The following ATP2B2 variants were observed in gnomAD, a reference collection of about 807,000 sequenced individuals.
ATP2B2 encodes the protein ATPase plasma membrane Ca2+ transporting 2, also known as plasma membrane calcium-transporting ATPase 2.
A neutral mutation model predicts 120.0 loss-of-function variants in ATP2B2; 15 were observed. The observed-to-expected ratio is 0.12, with a 90% confidence interval of 0.08 to 0.19. The LOEUF (loss-of-function observed/expected upper bound fraction) is 0.19, where lower values mean the gene tolerates loss of function less well. Ranked by LOEUF, ATP2B2 falls within the 10% of genes least tolerant of loss-of-function variation. ATP2B2 has a pLI of 1.00. For synonymous variants in ATP2B2, 694 were observed against 700.3 expected (o/e 0.99, Z 0.14); for missense variants, 1,045 against 1,719.8 (o/e 0.61, Z 6.94).
chr3:10,517,392 T>C (rs1450024408), intron 3 of ATP2B2, among the ~76,000 whole-genome samples: 1 of 152,164 alleles, frequency 6.6e-6, no homozygotes, highest in African/African-American at 2.4e-5. Context: ...AGGGATGCAG[T>C]GTGGGCCATG....
rs191901339 is a variant in ATP2B2 at position 10,689,388 on chromosome 3, G to A, written c.-460+18527C>T. On this transcript the variant is annotated intron_variant, in intron 1 of 21. Coordinates refer to the ATP2B2 transcript ENST00000646379. ...AGGCATCTATTTCACAGAATTGGCA[G>A]TAAAATTAAATAAAATAACACCTCC... is the stretch of plus-strand genomic sequence containing the variant. Among the ~76,000 whole-genome samples, 254 of 152,242 alleles carry A rather than the reference G, an allele frequency of 1.7e-3. 1 individual carries two copies. Among genetic ancestry groups the A allele is most frequent in the African/African-American group, 5.9e-3 (246 of 41,538 alleles).
intron 1 of ATP2B2, among the ~76,000 whole-genome samples, chr3:10,696,667 C>G (rs893332429): frequency 6.6e-6 from 1 of 152,220 alleles, no homozygotes; most frequent in Non-Finnish European, 1.5e-5. Flanking sequence ...CTTCTGATCC[C>G]TTTAGTCATT....
chr3:10,382,274 GAT>G (rs2061553503), intron 8 of ATP2B2, among the ~76,000 whole-genome samples: 1 of 138,964 alleles, frequency 7.2e-6, no homozygotes, highest in African/African-American at 2.8e-5. Flanking sequence ...GACCTCAAGT[GAT>G]TCTCCTGCTT....
intron 1 of ATP2B2, among the ~76,000 whole-genome samples, chr3:10,473,816 T>C (rs889381108): frequency 1.3e-5 from 2 of 152,106 alleles, no homozygotes; most frequent in Non-Finnish European, 2.9e-5. Flanking sequence ...GCCACGTGGC[T>C]GGGGCTTGTG....
chr3:10,522,473 T>C (rs991047595), intron 3 of ATP2B2, among the ~76,000 whole-genome samples: 1 of 152,236 alleles, frequency 6.6e-6, no homozygotes, highest in Non-Finnish European at 1.5e-5. Flanking sequence ...TACCTCCTGG[T>C]CATTCCACTG....
At chr3:10,654,976 C>T (rs993753518) in intron 1 of ATP2B2, among the ~76,000 whole-genome samples, 2 of 152,078 alleles carry the variant, frequency 1.3e-5, no homozygotes, top group African/African-American at 2.4e-5. Context: ...TCAGCGGGGG[C>T]CTCTCAGCCT....
At chr3:10,577,581 G>C (rs899016309) in intron 2 of ATP2B2, among the ~76,000 whole-genome samples, 1 of 152,210 alleles carries the variant, frequency 6.6e-6, no homozygotes, top group African/African-American at 2.4e-5. Flanking sequence ...CTCAGAACGG[G>C]TTGTTTTCCT....
At chr3:10,345,617 G>T in intron 17 of ATP2B2, 42 bp from the exon 18 acceptor site, 1 of 1,592,562 alleles carries the variant, frequency 6.3e-7, no homozygotes. Context: ...GTGGCCGGGG[G>T]AGGTGACCAC....
chr3:10,350,212 G>A lies in ATP2B2; in HGVS notation c.2317-13C>T, dbSNP rs1396375690. ...GCTCCTGCTCAATCTGGAGAGGGAT[G>A]GGGAAGGGGGCGGGTCGGTGGGGTC... On this transcript the variant is annotated splice_polypyrimidine_tract_variant and intron_variant, in intron 15 of 22. Transcript: ENST00000360273. 1.2e-6 allele frequency: 2 copies of A among 1,609,156 alleles called. No homozygotes were observed. The highest frequency in any genetic ancestry group is 2.2e-5 in the East Asian group (1 of 44,796).
intron 1 of ATP2B2, among the ~76,000 whole-genome samples, chr3:10,639,866 G>A (rs2070124154): frequency 6.6e-6 from 1 of 152,220 alleles, no homozygotes; most frequent in African/African-American, 2.4e-5. Context: ...CTCGAGCTAA[G>A]GCTGGAGGGC....
At position 10,406,773 on chromosome 3, in the gene ATP2B2, C is replaced by T. The variant is rs147537143; in HGVS notation, c.397+3845G>A. 2.5e-3 allele frequency among the ~76,000 whole-genome samples: 385 copies of T among 152,386 alleles called. 3 individuals carry two copies. The highest frequency in any genetic ancestry group is 8.9e-3 in the African/African-American group (372 of 41,588). ...ACTCATACACTCATTGCGTGTGTGACTCTAATTCCACCCATCAACATTGCC... is the reference window on the plus strand; with the variant it reads ...ACTCATACACTCATTGCGTGTGTGATTCTAATTCCACCCATCAACATTGCC... On this transcript the variant is annotated intron_variant, in intron 3 of 22. Transcript: ENST00000360273.
intron 1 of ATP2B2, among the ~76,000 whole-genome samples, chr3:10,471,846 C>T (rs911538442): frequency 2.5e-4 from 38 of 151,678 alleles, no homozygotes; most frequent in African/African-American, 8.5e-4. Context: ...TTTGGGAGGC[C>T]GAGGCGGGCG....
At chr3:10,645,157 A>T (rs2070290287) in intron 1 of ATP2B2, among the ~76,000 whole-genome samples, 1 of 152,190 alleles carries the variant, frequency 6.6e-6, no homozygotes, top group South Asian at 2.1e-4. Flanking sequence ...AGTGGGGTAA[A>T]ATGTCAACCA....
rs184239740 is a variant in ATP2B2, at chr3:10,448,417, G to A, written c.199+928C>T. Among the ~76,000 whole-genome samples, 222 of 152,298 alleles carry A rather than the reference G, an allele frequency of 1.5e-3. 1 individual carries two copies. Among genetic ancestry groups the A allele is most frequent in the Non-Finnish European group, 1.8e-3 (121 of 68,032 alleles). On this transcript the variant is annotated intron_variant, in intron 2 of 22. Transcript: ENST00000360273. ...TCACACACATGCCTGTAGGGTTAACGTAGGGAATGCTTCCTTTCCATGGTG... is the reference window on the plus strand; with the variant it reads ...TCACACACATGCCTGTAGGGTTAACATAGGGAATGCTTCCTTTCCATGGTG...
At chr3:10,547,871 TACAAA>T (rs2067585945) in intron 2 of ATP2B2, among the ~76,000 whole-genome samples, 1 of 152,240 alleles carries the variant, frequency 6.6e-6, no homozygotes, top group Non-Finnish European at 1.5e-5. Context: ...TTTCCTATGC[TACAAA>T]AATACTCACT....
intron 2 of ATP2B2, among the ~76,000 whole-genome samples, chr3:10,447,532 C>T (rs1470672313): frequency 6.6e-6 from 1 of 152,220 alleles, no homozygotes; most frequent in Non-Finnish European, 1.5e-5. Flanking sequence ...GGCCACAGTG[C>T]CCATCAGCTT....
intron 3 of ATP2B2, among the ~76,000 whole-genome samples, chr3:10,525,438 C>T (rs540166726): frequency 6.6e-6 from 1 of 152,356 alleles, no homozygotes; most frequent in African/African-American, 2.4e-5. Flanking sequence ...GTCTGTCCTG[C>T]ATTCAGTTTC....
At chr3:10,584,899 T>C (rs1473184799) in intron 2 of ATP2B2, among the ~76,000 whole-genome samples, 1 of 152,182 alleles carries the variant, frequency 6.6e-6, no homozygotes, top group Non-Finnish European at 1.5e-5. Flanking sequence ...ATCTTCCCAG[T>C]TGTTGAGACA....
intron 1 of ATP2B2, among the ~76,000 whole-genome samples, chr3:10,643,809 C>A (rs2070241506): frequency 6.6e-6 from 1 of 151,598 alleles, no homozygotes; most frequent in South Asian, 2.1e-4. Flanking sequence ...GGATCCTGTG[C>A]TGGAGGAAAA....
Sources: gnomAD v4.1 joint callset for allele counts (sites outside exome capture counted in the v4.1 genomes callset) on GRCh38, gnomAD v4.1.1 for gene constraint, MANE v1.5 for transcripts, NCBI Gene and HGNC (gene_info 2026-07-23, HGNC 2026-07-21) for gene names.